ATXN2: variants seen among roughly 807,000 people sequenced by gnomAD.
The protein encoded by ATXN2 is ataxin-2.
A neutral mutation model predicts 138.6 loss-of-function variants in ATXN2; 37 were observed. That is an observed-to-expected ratio of 0.27 (90% confidence interval 0.21 to 0.35). ATXN2 has a LOEUF of 0.35. ATXN2 is among the 10% of genes least tolerant of loss of function. ATXN2 has a pLI of 1.00. For missense variants in ATXN2, 1,216 were observed against 1,480.3 expected (o/e 0.82, Z 2.93); for synonymous variants, 549 against 543.7 (o/e 1.01, Z -0.13).
At chr12:111,583,032 G>A (rs182333624) in intron 1 of ATXN2, among the ~76,000 whole-genome samples, 63 of 118,460 alleles carry the variant, frequency 5.3e-4, no homozygotes, top group Non-Finnish European at 7.3e-4. Flanking sequence ...TCGTTCTGTC[G>A]CCCAGGCTGG....
intron 1 of ATXN2, among the ~76,000 whole-genome samples, chr12:111,563,694 C>G (rs942043455): frequency 2.0e-5 from 3 of 152,030 alleles, no homozygotes; most frequent in African/African-American, 7.2e-5. Flanking sequence ...TGCAATTTTT[C>G]TAAAAGTCTA....
At chr12:111,477,540 CTTA>C (rs1876908500) in intron 18 of ATXN2, among the ~76,000 whole-genome samples, 2 of 152,014 alleles carry the variant, frequency 1.3e-5, no homozygotes, top group African/African-American at 4.8e-5. Flanking sequence ...TAAAAGATTT[CTTA>C]TTATGATACA....
chr12:111,456,862 C>T (rs1875142399), intron 22 of ATXN2, among the ~76,000 whole-genome samples: 1 of 152,184 alleles, frequency 6.6e-6, no homozygotes, highest in Non-Finnish European at 1.5e-5. Context: ...ATTCTCCTTC[C>T]TCAGCCTCCC....
At chr12:111,579,203 C>T (rs1215282737) in intron 1 of ATXN2, among the ~76,000 whole-genome samples, 1 of 152,156 alleles carries the variant, frequency 6.6e-6, no homozygotes, top group African/African-American at 2.4e-5. Flanking sequence ...TGCATTCCAA[C>T]CAAGAGAAAT....
At chr12:111,500,524 G>A (rs985215338) in intron 14 of ATXN2, among the ~76,000 whole-genome samples, 2 of 152,072 alleles carry the variant, frequency 1.3e-5, no homozygotes, top group African/African-American at 2.4e-5. Flanking sequence ...TAGAAAGAAC[G>A]AATAAGAACT....
intron 1 of ATXN2, among the ~76,000 whole-genome samples, chr12:111,584,648 G>C (rs564014160): frequency 6.6e-6 from 1 of 152,024 alleles, no homozygotes; most frequent in South Asian, 2.1e-4. Context: ...TGGCCAACAT[G>C]GTGAAACCCC....
At chr12:111,498,604 TAGA>T (rs921083911) in intron 14 of ATXN2, among the ~76,000 whole-genome samples, 1 of 152,172 alleles carries the variant, frequency 6.6e-6, no homozygotes, top group African/African-American at 2.4e-5. Context: ...GTTTATGGAT[TAGA>T]AGAATTAATA....
chr12:111,530,770 C>T (rs1474299854), intron 5 of ATXN2, among the ~76,000 whole-genome samples: 19 of 151,784 alleles, frequency 1.3e-4, no homozygotes, highest in Admixed American at 8.5e-4. Context: ...GCAGAGATCG[C>T]GCCACTGCAC....
chr12:111,588,188 AAAATAAATAAATAAAT>A (rs34646187), intron 1 of ATXN2, among the ~76,000 whole-genome samples: 3 of 148,894 alleles, frequency 2.0e-5, no homozygotes, highest in Admixed American at 6.7e-5. Flanking sequence ...TCCTATCACA[AAAATAAATAAATAAAT>A]AAATAAATAA....
intron 20 of ATXN2, chr12:111,469,891 A>C (rs1006837289): frequency 2.0e-6 from 1 of 511,548 alleles, no homozygotes; most frequent in Non-Finnish European, 3.4e-6. Flanking sequence ...ATTTTAGTTA[A>C]AGCAGGAAAG....
At chr12:111,581,898 C>T (rs1038733011) in intron 1 of ATXN2, 1 of 235,186 alleles carries the variant, frequency 4.3e-6, no homozygotes, top group Non-Finnish European at 8.4e-6. Flanking sequence ...CGTTTATCCT[C>T]ACACACTTTT....
At position 111,598,068 on chromosome 12, in the gene ATXN2, T is replaced by G. The variant is rs940295786; in HGVS notation, c.251+716A>C. 1 of 1,141,716 alleles carries G rather than the reference T, an allele frequency of 8.8e-7. No homozygotes were observed. The highest frequency in any genetic ancestry group is 1.1e-6 in the Non-Finnish European group (1 of 914,634). The allele number at this position is 1,141,716 out of a possible 1,614,324, so 70.7% of individuals were successfully genotyped here. ...CTTCCCTTCCCCAGGTGGGGGAGGG[T>G]GGAACGCTGCCGGAGGCCACATGGA... On this transcript the variant is annotated intron_variant, in intron 1 of 24. Coordinates refer to ENST00000673436, the MANE Select transcript of ATXN2 (RefSeq NM_001372574.1). This position sits in a 1 kb window ranked among gnomAD's most constrained non-coding sequence, Gnocchi z 4.5.
At chr12:111,523,165 A>G (rs1045282404) in intron 6 of ATXN2, among the ~76,000 whole-genome samples, 2 of 150,818 alleles carry the variant, frequency 1.3e-5, no homozygotes, top group African/African-American at 4.9e-5. Flanking sequence ...CAGGAGGCTG[A>G]GGCAGGAGAA....
At chr12:111,532,248 G>A (rs367545702) in intron 5 of ATXN2, among the ~76,000 whole-genome samples, 1 of 152,166 alleles carries the variant, frequency 6.6e-6, no homozygotes, top group Non-Finnish European at 1.5e-5. Flanking sequence ...TGGAAGCCAA[G>A]GCAGGCGGAT....
chr12:111,596,296 T>C (rs925951971), intron 1 of ATXN2, among the ~76,000 whole-genome samples: 4 of 150,998 alleles, frequency 2.6e-5, no homozygotes, highest in Non-Finnish European at 5.9e-5. Context: ...TACATTATCT[T>C]TCCTAAAACA....
chr12:111,598,289 G>T lies in ATXN2; in HGVS notation c.251+495C>A, dbSNP rs376518096. ...CGGTGCCTACCCCTTTAACCGGCAC[G>T]GGGGACGCGGCCCTAACTTCTCCCC... On this transcript the variant is annotated intron_variant, in intron 1 of 24. Transcript: ENST00000673436. The surrounding 1 kb of genome is among the most constrained non-coding windows in gnomAD (Gnocchi z 4.5). The T allele has an allele frequency of 5.0e-6, 5 of 1,004,278 alleles. No individual in the cohort carries two copies. In the Admixed American group the frequency reaches 1.6e-4, roughly 32 times the overall value. 62.2% of individuals were successfully genotyped at this position (1,004,278 alleles called of 1,614,324 possible). A position where few individuals can be genotyped will look rare whatever the true frequency, so the allele number is the denominator to read the frequency against.
intron 1 of ATXN2, among the ~76,000 whole-genome samples, chr12:111,559,920 G>A (rs1566064133): frequency 6.6e-6 from 1 of 152,066 alleles, no homozygotes. Flanking sequence ...AACAAGGTAT[G>A]AAAGAGTTAA....
chr12:111,521,769 G>T (rs948676034), intron 6 of ATXN2, among the ~76,000 whole-genome samples: 4 of 151,792 alleles, frequency 2.6e-5, no homozygotes, highest in East Asian at 1.9e-4. Context: ...TTTTTTTGGT[G>T]GGGGGGAGCC....
intron 14 of ATXN2, among the ~76,000 whole-genome samples, chr12:111,499,958 A>C (rs1448286136): frequency 2.0e-5 from 3 of 152,256 alleles, no homozygotes; most frequent in African/African-American, 7.2e-5. Flanking sequence ...AAGACAGGCA[A>C]TAACAAATGC....
Sources: gnomAD v4.1 joint callset for allele counts (sites outside exome capture counted in the v4.1 genomes callset) on GRCh38, gnomAD v4.1.1 for gene constraint, Gnocchi (gnomAD v3.1) non-coding constraint, MANE v1.5 for transcripts, NCBI Gene and HGNC (gene_info 2026-07-23, HGNC 2026-07-21) for gene names.